Variants in PLEKHG5 observed in about 807,000 individuals in gnomAD.
PLEKHG5 encodes the protein pleckstrin homology domain-containing family G member 5.
Under a neutral mutation model 103.8 loss-of-function variants are expected in PLEKHG5, and 52 were observed. That is an observed-to-expected ratio of 0.50 (90% CI 0.40 to 0.63). The LOEUF (loss-of-function observed/expected upper bound fraction) is 0.63. PLEKHG5 is among the 30% of genes least tolerant of loss of function. PLEKHG5 has a pLI of 0.00. For synonymous variants in PLEKHG5, 592 were observed against 575.5 expected, an observed-to-expected ratio of 1.03 and a Z score of -0.41; for missense variants, 1,205 against 1,347.6, an observed-to-expected ratio of 0.89 and a Z score of 1.66.
At chr1:6,497,328 C>A, upstream of PLEKHG5, 1 of 1,048,062 alleles carries the variant, frequency 9.5e-7, no homozygotes, top group African/African-American at 1.7e-5. This position sits in a 1 kb window ranked among gnomAD's most constrained non-coding sequence, Gnocchi z 6.1. Context: ...ACCCATGGAG[C>A]AGGCCCCGTG....
chr1:6,474,404 G>C (rs1179128380), intron 6 of PLEKHG5, 47 bp downstream of exon 6: 1 of 1,609,806 alleles, frequency 6.2e-7, no homozygotes, highest in Non-Finnish European at 8.5e-7. Flanking sequence ...ATCTCCAGGA[G>C]GCTCCGCCAG....
chr1:6,489,358 G>A (rs896426288), intron 1 of PLEKHG5, among the ~76,000 whole-genome samples: 91 of 152,292 alleles, frequency 6.0e-4, no homozygotes, highest in African/African-American at 2.1e-3. Flanking sequence ...GGCTCACCTG[G>A]AGTCAGAGCC....
chr1:6,479,855 C>T lies in PLEKHG5; in HGVS notation c.-87-2197G>A, dbSNP rs557288502. 3.3e-5 allele frequency among the ~76,000 whole-genome samples: 5 copies of T among 152,258 alleles called. No individual in the cohort carries two copies. The South Asian group carries it at 6.2e-4, about 19-fold the overall frequency. ...TGAACTCCTGGGCTCAAGCAATCTG[C>T]CCGCCTTGACCTCCCAAAGAGCTGG... On this transcript the variant is annotated intron_variant, in intron 1 of 20. Coordinates refer to ENST00000377728, the MANE Select transcript of PLEKHG5 (RefSeq NM_020631.6).
chr1:6,468,503 C>A lies in PLEKHG5; in HGVS notation c.2333G>T (p.Gly778Val). 6.2e-7 allele frequency: 1 copy of A among 1,613,034 alleles called. No homozygotes were observed. The highest frequency in any genetic ancestry group is 8.5e-7 in the Non-Finnish European group (1 of 1,179,966). The change falls in exon 20 of 21, where the codon GGT (glycine) becomes GTT (valine). Residue 778 changes from glycine to valine, a missense_variant. Coordinates refer to ENST00000377728, the MANE Select transcript of PLEKHG5 (RefSeq NM_020631.6). Reference protein sequence around the residue: ...DTLSSPEFDSGPFSSQSDETS... With the variant: ...DTLSSPEFDSVPFSSQSDETS... ...CTCATCAGACTGGGAGCTGAAAGGA[C>A]CGCTGTCGAACTCGGGGGAGGACAG...
Position 6,471,622 on chromosome 1 carries a change from G to T in PLEKHG5, c.1147C>A (p.Leu383Met). 6.3e-7 allele frequency: 1 copy of T among 1,590,102 alleles called. No individual in the cohort carries two copies. The highest frequency in any genetic ancestry group is 2.3e-5 in the East Asian group (1 of 43,670). The stretch of plus-strand genomic sequence containing the variant: ...GCGATCTCCGGGATGTTGCTGAACA[G>T]GCGCTCCGCCTCCACCTGGGCGCGG... ...GLLCEVEAER[L>M]FSNIPEIAQL... The change falls in exon 12 of 21, where the codon CTG becomes ATG. Residue 383 changes from leucine to methionine, a missense_variant. By Grantham distance (15) the Leu-to-Met change is conservative. Coordinates refer to ENST00000377728, the MANE Select transcript of PLEKHG5 (RefSeq NM_020631.6).
chr1:6,507,884 A>T (rs1400604731), intron 1 of PLEKHG5, among the ~76,000 whole-genome samples: 4 of 152,172 alleles, frequency 2.6e-5, no homozygotes, highest in South Asian at 2.1e-4. Flanking sequence ...GCTCGTGTTC[A>T]TGTGGCAAGT....
intron 1 of PLEKHG5, among the ~76,000 whole-genome samples, chr1:6,511,771 C>G (rs946044852): frequency 1.3e-5 from 2 of 152,222 alleles, no homozygotes; most frequent in Non-Finnish European, 2.9e-5. Context: ...TGCAGCCCCC[C>G]CAGAGAGGCT....
At chr1:6,474,657 C>A in intron 5 of PLEKHG5, 70 bp from the exon 6 acceptor site, 1 of 1,451,750 alleles carries the variant, frequency 6.9e-7, no homozygotes, top group Admixed American at 2.0e-5. Flanking sequence ...GCCCCGCCCC[C>A]ACGAGCCCCC....
At position 6,517,383 on chromosome 1, in the gene PLEKHG5, G is replaced by A. The variant is rs541691817; in HGVS notation, c.-165+2062C>T. On this transcript the variant is annotated intron_variant, in intron 1 of 21. Coordinates refer to the PLEKHG5 transcript ENST00000377740. ...CCATTCTCTGCTGTTCATGGGGTAG[G>A]TATGATACAGGGGACACTCCAAAAG... Among the ~76,000 whole-genome samples, 3 of 151,882 alleles carry A rather than the reference G, an allele frequency of 2.0e-5. No individual in the cohort carries two copies. In the South Asian group the frequency reaches 6.2e-4, roughly 32 times the overall value.
chr1:6,489,690 T>G (rs984256596), intron 1 of PLEKHG5, among the ~76,000 whole-genome samples: 1 of 152,198 alleles, frequency 6.6e-6, no homozygotes, highest in Non-Finnish European at 1.5e-5. Context: ...AGAGGGCACC[T>G]GCCTGGGCTT....
At chr1:6,469,703 AG>A in intron 16 of PLEKHG5, 27 bp from the exon 17 acceptor site, 1 of 1,609,546 alleles carries the variant, frequency 6.2e-7, no homozygotes, top group Admixed American at 1.7e-5. Flanking sequence ...GGGGGTGGCC[AG>A]AGAGGCCAGC....
In PLEKHG5 at chr1:6,470,521, G is replaced by C. The variant is rs1644534453; in HGVS notation, c.1665C>G (p.Ser555Arg). 6.2e-7 allele frequency: 1 copy of C among 1,609,428 alleles called. No homozygotes were observed. Among genetic ancestry groups the C allele is most frequent in the Non-Finnish European group, 8.5e-7 (1 of 1,179,930 alleles). Reference sequence around the variant, plus strand: ...ACACGCCCACCTTGTCCACTTCGTCGCTGCTGCTTTCCACCACCTCGTAGG... The same window carrying C: ...ACACGCCCACCTTGTCCACTTCGTCCCTGCTGCTTTCCACCACCTCGTAGG... ...IDAYEVVESSSDEVDKLLKEF... is the reference protein window; with the variant it reads ...IDAYEVVESSRDEVDKLLKEF... The change falls in exon 15 of 21, where the codon AGC becomes AGG. Residue 555 changes from serine to arginine, a missense_variant. Ser to Arg is a moderately radical substitution (Grantham distance 110). Coordinates refer to ENST00000377728, the MANE Select transcript of PLEKHG5 (RefSeq NM_020631.6).
At chr1:6,496,878 G>T (rs1344031446), upstream of PLEKHG5, 4 of 1,237,906 alleles carry the variant, frequency 3.2e-6, no homozygotes, top group East Asian at 8.5e-5. Context: ...TGACCTTTTG[G>T]GGCCCCAGAC....
Position 6,477,614 on chromosome 1 carries a change from G to T in PLEKHG5, c.-43C>A, listed in dbSNP as rs1360587296. ...TGTCACAGGCCTCGCAGAGGTTGAGGGGCCCCCGGCGGTGCAGCTGCTGGC... is the reference window on the plus strand; with the variant it reads ...TGTCACAGGCCTCGCAGAGGTTGAGTGGCCCCCGGCGGTGCAGCTGCTGGC... On this transcript the variant is annotated 5_prime_UTR_variant, in exon 2 of 21. Coordinates refer to ENST00000377728, the MANE Select transcript of PLEKHG5 (RefSeq NM_020631.6). 1.9e-6 allele frequency: 3 copies of T among 1,610,348 alleles called. No homozygotes were observed. The African/African-American group carries it at 4.0e-5, about 22-fold the overall frequency.
At chr1:6,503,564 T>C (rs989686010) in intron 1 of PLEKHG5, among the ~76,000 whole-genome samples, 3 of 152,120 alleles carry the variant, frequency 2.0e-5, no homozygotes, top group South Asian at 2.1e-4. Flanking sequence ...CCTGCCACCA[T>C]GCCTGGCTAA....
Position 6,485,314 on chromosome 1 carries a change from G to A in PLEKHG5, c.-88+6323C>T, listed in dbSNP as rs1321586060. On this transcript the variant is annotated intron_variant, in intron 1 of 20. Coordinates refer to ENST00000377728, the MANE Select transcript of PLEKHG5 (RefSeq NM_020631.6). The stretch of plus-strand genomic sequence containing the variant: ...CCCAGCCCCGTTCCCGCCCCGTCCC[G>A]GCCCCGTACCTGGCTATCACCGTCG... 5 of 1,393,426 alleles carry A rather than the reference G, an allele frequency of 3.6e-6. No individual in the cohort carries two copies. In the Admixed American group the frequency reaches 9.7e-5, roughly 27 times the overall value. 86.3% of individuals were successfully genotyped at this position (1,393,426 alleles called of 1,614,324 possible).
chr1:6,480,703 C>A (rs535782671), intron 1 of PLEKHG5, among the ~76,000 whole-genome samples: 2 of 151,586 alleles, frequency 1.3e-5, no homozygotes, highest in South Asian at 4.2e-4. Flanking sequence ...ATCTGGAGTG[C>A]AGTGCCGCAA....
intron 1 of PLEKHG5, among the ~76,000 whole-genome samples, chr1:6,512,150 T>C (rs1020261337): frequency 1.3e-5 from 2 of 152,214 alleles, no homozygotes; most frequent in African/African-American, 4.8e-5. Context: ...TCGGGACGCC[T>C]GGAGACCTGC....
intron 19 of PLEKHG5, 62 bp downstream of exon 19, chr1:6,468,980 G>A (rs553779093): frequency 7.2e-7 from 1 of 1,382,352 alleles, no homozygotes; most frequent in Non-Finnish European, 1.0e-6. Context: ...TGGGCCTTCA[G>A]GAGTCCTGGG....
Sources: allele counts gnomAD v4.1 joint callset (sites outside exome capture counted in the v4.1 genomes callset), GRCh38; gene constraint gnomAD v4.1.1; non-coding constraint Gnocchi (gnomAD v3.1); transcripts MANE v1.5; gene names NCBI Gene and HGNC (gene_info 2026-07-23, HGNC 2026-07-21).